Variants in MDFIC2 observed in about 807,000 individuals in gnomAD.
MDFIC2 encodes the protein MyoD family inhibitor domain containing 2.
chr3:70,223,379 A>G (rs1701477013), intron 2 of MDFIC2, among the ~76,000 whole-genome samples: 1 of 152,186 alleles, frequency 6.6e-6, no homozygotes, highest in South Asian at 2.1e-4. Context: ...ATCAACTGAG[A>G]TGAGTGCAGA....
At chr3:70,300,824 A>G (rs1702340489) in intron 2 of MDFIC2, among the ~76,000 whole-genome samples, 1 of 152,084 alleles carries the variant, frequency 6.6e-6, no homozygotes, top group Non-Finnish European at 1.5e-5. Context: ...TACAGAATGT[A>G]GAGGTTTAAA....
At chr3:70,294,924 CAAAGTA>C (rs1702275275) in intron 2 of MDFIC2, among the ~76,000 whole-genome samples, 1 of 152,080 alleles carries the variant, frequency 6.6e-6, no homozygotes, top group African/African-American at 2.4e-5. Context: ...AAAAACAAAG[CAAAGTA>C]AAACAACCAA....
intron 2 of MDFIC2, among the ~76,000 whole-genome samples, chr3:70,228,448 A>T (rs1425709841): frequency 6.6e-6 from 1 of 151,822 alleles, no homozygotes; most frequent in African/African-American, 2.4e-5. Context: ...TGCTTCACTG[A>T]TAGAGATTCA....
chr3:70,283,773 G>C (rs1702112557), intron 2 of MDFIC2: 1 of 120,238 alleles, frequency 8.3e-6, no homozygotes, highest in Non-Finnish European at 1.8e-5. Flanking sequence ...CTTATTTTTT[G>C]TAAAAAAAAA....
chr3:70,198,298 T>C (rs1279944635), intron 3 of MDFIC2, among the ~76,000 whole-genome samples: 1 of 152,172 alleles, frequency 6.6e-6, no homozygotes, highest in East Asian at 1.9e-4. Context: ...AGAATGCTAA[T>C]AACTTTGGTT....
intron 2 of MDFIC2, among the ~76,000 whole-genome samples, chr3:70,290,371 C>G (rs977134017): frequency 1.3e-5 from 2 of 152,118 alleles, no homozygotes; most frequent in African/African-American, 2.4e-5. Context: ...TTAGGCTGCT[C>G]GGGGGCCAGG....
chr3:70,245,671 T>TTATATATATATATATA (rs34480688), intron 2 of MDFIC2, among the ~76,000 whole-genome samples: 2 of 57,222 alleles, frequency 3.5e-5, no homozygotes, highest in Non-Finnish European at 6.8e-5. Flanking sequence ...GCAAACTGCT[T>TTATATATATATATATA]TATATATATA....
chr3:70,214,400 C>A (rs1701385014), intron 2 of MDFIC2, among the ~76,000 whole-genome samples: 1 of 151,950 alleles, frequency 6.6e-6, no homozygotes, highest in Non-Finnish European at 1.5e-5. Context: ...ACATTTTAAG[C>A]CTTTTCAATC....
At chr3:70,230,759 G>A (rs1701551397) in intron 2 of MDFIC2, among the ~76,000 whole-genome samples, 1 of 152,160 alleles carries the variant, frequency 6.6e-6, no homozygotes, top group Non-Finnish European at 1.5e-5. Flanking sequence ...CACCCTCCTT[G>A]AGTTTTAAAG....
intron 2 of MDFIC2, among the ~76,000 whole-genome samples, chr3:70,252,311 G>A (rs930530347): frequency 1.3e-5 from 2 of 152,138 alleles, no homozygotes; most frequent in Admixed American, 1.3e-4. Context: ...TTGGTGTATG[G>A]TGTGGCGTAC....
At chr3:70,213,731 T>C (rs1168723905) in intron 2 of MDFIC2, among the ~76,000 whole-genome samples, 1 of 152,174 alleles carries the variant, frequency 6.6e-6, no homozygotes, top group African/African-American at 2.4e-5. Flanking sequence ...GATTATACTC[T>C]CTGCAGCTTG....
chr3:70,214,033 G>A (rs909774381), intron 2 of MDFIC2, among the ~76,000 whole-genome samples: 1 of 151,982 alleles, frequency 6.6e-6, no homozygotes, highest in African/African-American at 2.4e-5. Flanking sequence ...AAAGCTGAGT[G>A]GATAATTTTC....
intron 2 of MDFIC2, among the ~76,000 whole-genome samples, chr3:70,299,184 A>G (rs1267474136): frequency 1.3e-5 from 2 of 152,162 alleles, no homozygotes; most frequent in Non-Finnish European, 2.9e-5. Flanking sequence ...ATAGAATACT[A>G]TATGTAGAGC....
At chr3:70,202,234 A>T (rs1035638121) in intron 3 of MDFIC2, among the ~76,000 whole-genome samples, 2 of 152,126 alleles carry the variant, frequency 1.3e-5, no homozygotes, top group Non-Finnish European at 2.9e-5. Flanking sequence ...GCTAATGGTT[A>T]GTGACTAATG....
intron 2 of MDFIC2, among the ~76,000 whole-genome samples, chr3:70,245,714 T>C (rs1000371897): frequency 2.0e-3 from 249 of 123,930 alleles, no homozygotes; most frequent in East Asian, 0.012. Context: ...TATATATATA[T>C]ACACATTCAA....
chr3:70,208,914 T>C (rs1341622521), intron 2 of MDFIC2, among the ~76,000 whole-genome samples: 1 of 152,018 alleles, frequency 6.6e-6, no homozygotes, highest in Non-Finnish European at 1.5e-5. Flanking sequence ...ATAAAAGGGA[T>C]TGGCAGAAAT....
chr3:70,311,147 A>G (rs969061211), intron 2 of MDFIC2, among the ~76,000 whole-genome samples: 4 of 152,202 alleles, frequency 2.6e-5, no homozygotes, highest in Non-Finnish European at 4.4e-5. Flanking sequence ...AAGAATGTCA[A>G]CTACTTAAGT....
intron 2 of MDFIC2, chr3:70,271,752 C>A (rs1310683958): frequency 6.6e-6 from 1 of 152,126 alleles, no homozygotes; most frequent in Non-Finnish European, 1.5e-5. Flanking sequence ...TGCTATGGCT[C>A]ACACTTATTT....
In MDFIC2 at chr3:70,196,108, T is replaced by C. The variant is rs568816948; in HGVS notation, c.*818A>G. 2.6e-5 allele frequency among the ~76,000 whole-genome samples: 4 copies of C among 152,328 alleles called. No individual in the cohort carries two copies. In the East Asian group the frequency reaches 7.7e-4, roughly 29 times the overall value. ...TGTTTTAATATCCTGTTGCTTATTGTACCTGACAAATAAAAATGAAGAAAG... is the reference window on the plus strand; with the variant it reads ...TGTTTTAATATCCTGTTGCTTATTGCACCTGACAAATAAAAATGAAGAAAG... On this transcript the variant is annotated 3_prime_UTR_variant, in exon 4 of 4. Transcript: ENST00000567252.
Sources: gnomAD v4.1 joint callset for allele counts (sites outside exome capture counted in the v4.1 genomes callset) on GRCh38, gnomAD v4.1.1 for gene constraint, MANE v1.5 for transcripts, NCBI Gene and HGNC (gene_info 2026-07-23, HGNC 2026-07-21) for gene names.